The following KLF12 variants were observed in gnomAD, a reference collection of about 807,000 sequenced individuals.
KLF12 encodes the protein Krueppel-like factor 12.
Under a neutral mutation model 37.8 loss-of-function variants are expected in KLF12, and 9 were observed. The ratio of observed to expected loss-of-function variants is 0.24; its 90% CI spans 0.14 to 0.42. The LOEUF is 0.42. Among genes scored for constraint, KLF12 ranks in the 10% least tolerant of loss-of-function variants. The probability of loss-of-function intolerance (pLI) is 1.00; values close to 1 mark genes in which losing one functional copy is unlikely to be tolerated. For synonymous variants in KLF12, 208 were observed against 202.1 expected (o/e 1.03, Z -0.25); for missense variants, 411 against 516.0 (o/e 0.80, Z 1.97).
chr13:73,744,024 CTCT>C (rs1566336046), intron 6 of KLF12, among the ~76,000 whole-genome samples: 2 of 152,162 alleles, frequency 1.3e-5, no homozygotes, highest in East Asian at 3.9e-4. Context: ...TATTTGGAAA[CTCT>C]TCTTATGTAA....
At chr13:73,999,326 T>C (rs185539717) in intron 1 of KLF12, among the ~76,000 whole-genome samples, 6 of 152,198 alleles carry the variant, frequency 3.9e-5, no homozygotes, top group South Asian at 2.1e-4. Flanking sequence ...AAGGCCATCA[T>C]AGTAAAGATC....
the KLF12 span, among the ~76,000 whole-genome samples, chr13:74,166,032 G>A: frequency 2.0e-5 from 3 of 150,490 alleles, no homozygotes; most frequent in Non-Finnish European, 3.0e-5. Flanking sequence ...TTAATTGCTG[G>A]TTGTTAGTTC....
chr13:73,799,949 T>C (rs1176281191), intron 5 of KLF12: 2 of 152,160 alleles, frequency 1.3e-5, no homozygotes, highest in South Asian at 2.1e-4. Context: ...AAAGATTTTA[T>C]TTCCAATTAT....
chr13:74,162,927 A>T, the KLF12 span, among the ~76,000 whole-genome samples: 5 of 152,246 alleles, frequency 3.3e-5, no homozygotes, highest in Non-Finnish European at 5.9e-5. Flanking sequence ...AACAATAAAA[A>T]GAACAAATGA....
chr13:73,937,925 C>G (rs1890022683), intron 3 of KLF12, among the ~76,000 whole-genome samples: 1 of 152,034 alleles, frequency 6.6e-6, no homozygotes. Flanking sequence ...AAAAAATGGT[C>G]TTCTCACATT....
intron 5 of KLF12, among the ~76,000 whole-genome samples, chr13:73,805,259 A>G (rs769808934): frequency 1.3e-5 from 2 of 152,162 alleles, no homozygotes; most frequent in Non-Finnish European, 2.9e-5. Flanking sequence ...CAGAGAATGT[A>G]TTTAATATAA....
intron 2 of KLF12, among the ~76,000 whole-genome samples, chr13:73,987,445 A>G (rs888100687): frequency 6.6e-6 from 1 of 152,132 alleles, no homozygotes; most frequent in Non-Finnish European, 1.5e-5. Flanking sequence ...AGACACTTGT[A>G]TCATTTTTAT....
At chr13:74,155,478 C>T in the KLF12 span, among the ~76,000 whole-genome samples, 9 of 152,128 alleles carry the variant, frequency 5.9e-5, no homozygotes, top group African/African-American at 2.2e-4. Context: ...TCTCCTGCCT[C>T]AGCATCCCAA....
chr13:73,760,072 G>C (rs902775368), intron 6 of KLF12, among the ~76,000 whole-genome samples: 2 of 151,926 alleles, frequency 1.3e-5, no homozygotes, highest in African/African-American at 4.8e-5. Flanking sequence ...GTGTGAAAAG[G>C]CTCTTCCTGC....
chr13:73,752,139 C>A (rs1594048125), intron 6 of KLF12, among the ~76,000 whole-genome samples: 1 of 152,062 alleles, frequency 6.6e-6, no homozygotes, highest in African/African-American at 2.4e-5. Context: ...AATGCCACTG[C>A]ACTCAGCTAA....
In KLF12 at chr13:74,051,477, A is replaced by T. The variant is rs534027240; in HGVS notation, c.-31-56424T>A. ...CTTGGGTGGTGGTGCGAGGAGGGGC[A>T]TGAAACAGGAAGAAGAGTAGAACTG... On this transcript the variant is annotated intron_variant, in intron 1 of 7. Transcript: ENST00000377669. Among the ~76,000 whole-genome samples, 4 of 152,262 alleles carry T rather than the reference A, an allele frequency of 2.6e-5. No individual in the cohort carries two copies. In the South Asian group the frequency reaches 8.3e-4, roughly 32 times the overall value.
At chr13:73,938,521 C>T (rs932097311) in intron 3 of KLF12, among the ~76,000 whole-genome samples, 1 of 152,214 alleles carries the variant, frequency 6.6e-6, no homozygotes, top group Non-Finnish European at 1.5e-5. Flanking sequence ...ACAAATAGCA[C>T]ATGAATGAAT....
rs573777000 is a variant in KLF12 at position 74,041,622 on chromosome 13, C to T, written c.-31-46569G>A. On this transcript the variant is annotated intron_variant, in intron 1 of 7. Transcript: ENST00000377669. Reference sequence around the variant, plus strand: ...AACTCATCAAAATCACCAGCATCCACGGCTCAGCGTAATGAAAGAGAAATT... The same window carrying T: ...AACTCATCAAAATCACCAGCATCCATGGCTCAGCGTAATGAAAGAGAAATT... Among the ~76,000 whole-genome samples the T allele has an allele frequency of 7.9e-5, 12 of 151,556 alleles. No homozygotes were observed. The South Asian group carries it at 1.0e-3, about 13-fold the overall frequency.
At chr13:74,008,455 T>C (rs545792062) in intron 1 of KLF12, among the ~76,000 whole-genome samples, 1 of 152,338 alleles carries the variant, frequency 6.6e-6, no homozygotes, top group African/African-American at 2.4e-5. Context: ...TGCATTTTGT[T>C]TGGGGTTTCT....
chr13:73,693,351 G>A lies in KLF12; in HGVS notation c.*2139C>T, dbSNP rs1033306768. On this transcript the variant is annotated 3_prime_UTR_variant, in exon 8 of 8. Transcript: ENST00000377669. ...TGCTAAAAAAAACCCACTGGTTGAT[G>A]AGTAGTAGACTGTGCAGCTAAAGAT... The A allele has an allele frequency of 6.6e-5, 10 of 152,324 alleles. No homozygotes were observed. The highest frequency in any genetic ancestry group is 2.4e-4 in the African/African-American group (10 of 41,578). 9.4% of individuals were successfully genotyped at this position (152,324 alleles called of 1,614,324 possible).
intron 3 of KLF12, among the ~76,000 whole-genome samples, chr13:73,891,158 A>C (rs890181425): frequency 6.6e-6 from 1 of 152,184 alleles, no homozygotes; most frequent in Non-Finnish European, 1.5e-5. Context: ...GTTCTGGAAC[A>C]GTCTAACATT....
rs1427217584 is a variant in KLF12 at position 73,711,411 on chromosome 13, G to A, written c.1027+3957C>T. ...AGCTTTAAAGCTTCAAAGGACAGAT[G>A]GACTCTTGTTAGGGACTAATGGAGA... On this transcript the variant is annotated intron_variant, in intron 7 of 7. Coordinates refer to ENST00000377669, the MANE Select transcript of KLF12 (RefSeq NM_007249.5). Among the ~76,000 whole-genome samples the A allele has an allele frequency of 4.5e-4, 68 of 152,182 alleles. 2 individuals are homozygous for A. The highest frequency in any genetic ancestry group is 4.5e-3 in the Admixed American group (68 of 15,278).
At chr13:73,789,550 C>G (rs922055474) in intron 5 of KLF12, among the ~76,000 whole-genome samples, 1 of 152,120 alleles carries the variant, frequency 6.6e-6, no homozygotes, top group Non-Finnish European at 1.5e-5. Context: ...CTCCAGCTCA[C>G]AGAGTGAGAT....
At chr13:73,780,657 T>G (rs1210414473) in intron 5 of KLF12, among the ~76,000 whole-genome samples, 5 of 152,288 alleles carry the variant, frequency 3.3e-5, no homozygotes, top group African/African-American at 1.2e-4. Context: ...AGACAGGGTT[T>G]CTCCATGTTG....
Sources: gnomAD v4.1 joint callset for allele counts (sites outside exome capture counted in the v4.1 genomes callset) on GRCh38, gnomAD v4.1.1 for gene constraint, MANE v1.5 for transcripts, NCBI Gene and HGNC (gene_info 2026-07-23, HGNC 2026-07-21) for gene names.